RPH3A: variants seen among roughly 807,000 people sequenced by gnomAD.
RPH3A encodes the protein rabphilin-3A.
In RPH3A, 48 loss-of-function variants were observed where a neutral mutation model predicts 102.2. The ratio of observed to expected loss-of-function variants is 0.47; its 90% CI spans 0.37 to 0.60. The LOEUF (loss-of-function observed/expected upper bound fraction) is 0.60, where lower values mean the gene tolerates loss of function less well. Ranked by LOEUF, RPH3A falls within the 20% of genes least tolerant of loss-of-function variation. The pLI is 0.00. For missense variants in RPH3A, 781 were observed against 910.1 expected (o/e 0.86, Z 1.83); for synonymous variants, 310 against 324.3 (o/e 0.96, Z 0.47).
At chr12:112,844,929 G>C (rs2042204874) in intron 4 of RPH3A, among the ~76,000 whole-genome samples, 2 of 152,230 alleles carry the variant, frequency 1.3e-5, no homozygotes, top group South Asian at 4.1e-4. Context: ...AGCCACTCAT[G>C]TAGCTGGCAG....
At chr12:112,655,563 CTTTTTT>C (rs71086113) in intron 1 of RPH3A, among the ~76,000 whole-genome samples, 5 of 55,584 alleles carry the variant, frequency 9.0e-5, no homozygotes, top group Non-Finnish European at 1.6e-4. Flanking sequence ...TTTTGTTGGT[CTTTTTT>C]TTTTTTTTTT....
rs115414463 is a variant in RPH3A at position 112,829,147 on chromosome 12, C to T, written c.71+758C>T. 6.1e-3 allele frequency among the ~76,000 whole-genome samples: 921 copies of T among 152,196 alleles called. 7 individuals are homozygous for T. Among genetic ancestry groups the T allele is most frequent in the African/African-American group, 0.021 (869 of 41,500 alleles). On this transcript the variant is annotated intron_variant, in intron 3 of 21. Transcript: ENST00000389385. ...GAACTTCTGTCGATCTTATATTAGA[C>T]GGTATTTTAGGATCAGTTTAAGAGT...
intron 5 of RPH3A, among the ~76,000 whole-genome samples, chr12:112,864,727 C>G (rs1461197560): frequency 6.6e-6 from 1 of 152,196 alleles, no homozygotes; most frequent in Non-Finnish European, 1.5e-5. Flanking sequence ...AATCATTTAG[C>G]TTCCAGGACA....
At chr12:112,622,557 G>A (rs1403433059) in intron 1 of RPH3A, among the ~76,000 whole-genome samples, 2 of 148,218 alleles carry the variant, frequency 1.3e-5, no homozygotes, top group Non-Finnish European at 1.5e-5. Context: ...ATGGGACTAT[G>A]TGAAAAGACC....
intron 5 of RPH3A, among the ~76,000 whole-genome samples, chr12:112,861,742 A>C (rs1219125791): frequency 3.3e-5 from 5 of 152,168 alleles, no homozygotes; most frequent in Admixed American, 3.3e-4. Context: ...GGCTGGGTGC[A>C]GTGGCTCACG....
chr12:112,595,605 C>T (rs1021126324), intron 1 of RPH3A, among the ~76,000 whole-genome samples: 2 of 152,090 alleles, frequency 1.3e-5, no homozygotes, highest in African/African-American at 2.4e-5. Context: ...CACGCAGGAC[C>T]GTCATTCAAC....
intron 1 of RPH3A, among the ~76,000 whole-genome samples, chr12:112,589,123 G>T (rs1446513744): frequency 6.6e-6 from 1 of 151,858 alleles, no homozygotes; most frequent in Non-Finnish European, 1.5e-5. Flanking sequence ...GCTGGTAGAG[G>T]GGGCGATTAG....
intron 1 of RPH3A, among the ~76,000 whole-genome samples, chr12:112,781,227 A>G (rs1348072455): frequency 6.6e-6 from 1 of 152,108 alleles, no homozygotes; most frequent in African/African-American, 2.4e-5. Context: ...ACAAAAAAAA[A>G]TATCCTCTGG....
intron 1 of RPH3A, among the ~76,000 whole-genome samples, chr12:112,724,556 G>A (rs575793736): frequency 8.5e-5 from 13 of 152,130 alleles, no homozygotes; most frequent in Non-Finnish European, 1.6e-4. Flanking sequence ...GAGGAAACAG[G>A]CTCAGCGATA....
chr12:112,727,488 CA>C (rs1944474720), intron 1 of RPH3A, among the ~76,000 whole-genome samples: 3 of 103,842 alleles, frequency 2.9e-5, no homozygotes, highest in Admixed American at 1.0e-4. Flanking sequence ...CACACACACA[CA>C]CAGACCCCCC....
chr12:112,577,721 T>A (rs1295486331), intron 1 of RPH3A, among the ~76,000 whole-genome samples: 1 of 151,928 alleles, frequency 6.6e-6, no homozygotes, highest in Non-Finnish European at 1.5e-5. Flanking sequence ...TTTTTTTTTT[T>A]TTGTAGAGAT....
intron 5 of RPH3A, chr12:112,850,950 C>T (rs981286837): frequency 1.3e-5 from 2 of 152,212 alleles, no homozygotes; most frequent in Non-Finnish European, 2.9e-5. Context: ...GGCTGTACCT[C>T]TCAGAGTAAA....
rs763299292 is a variant in RPH3A at position 112,865,460 on chromosome 12, G to A, written c.277G>A (p.Asp93Asn). The A allele has an allele frequency of 1.2e-6, 2 of 1,614,142 alleles. No individual in the cohort carries two copies. Among genetic ancestry groups the A allele is most frequent in the South Asian group, 1.1e-5 (1 of 91,086 alleles). ...AAACATGAGGAAGAACGTGGCTGGA[G>A]ATGGGGTGAACCGCTGCATACTGTG... is the stretch of plus-strand genomic sequence containing the variant. ...LENMRKNVAG[D>N]GVNRCILCGE... Residue 93 changes from aspartate (D) to asparagine (N), a missense_variant, in exon 6 of 22, where the codon GAT (aspartate) becomes AAT (asparagine). By Grantham distance (23) the Asp-to-Asn change is conservative. This residue lies in a region of RPH3A where 730 missense variants were observed against 810.0 expected (regional missense o/e 0.90). Coordinates refer to ENST00000389385, the MANE Select transcript of RPH3A (RefSeq NM_001143854.2).
At chr12:112,650,869 C>T (rs1352576235) in intron 1 of RPH3A, 1 of 151,956 alleles carries the variant, frequency 6.6e-6, no homozygotes, top group Non-Finnish European at 1.5e-5. Flanking sequence ...GCTGGGACCA[C>T]AGGCGAGTGA....
At chr12:112,758,928 G>A (rs11614295) in intron 1 of RPH3A, among the ~76,000 whole-genome samples, 34,214 of 152,060 alleles carry the variant, frequency 0.23, 4,618 homozygotes, top group East Asian at 0.41. Flanking sequence ...GAAATATGGC[G>A]CTTCCTGGTC....
chr12:112,767,228 C>T (rs996619610), intron 1 of RPH3A, among the ~76,000 whole-genome samples: 2 of 152,194 alleles, frequency 1.3e-5, no homozygotes, highest in African/African-American at 4.8e-5. Context: ...CATATCTAGT[C>T]CACAGTAGAG....
At chr12:112,758,307 A>G (rs1541378) in intron 1 of RPH3A, among the ~76,000 whole-genome samples, 12,713 of 152,048 alleles carry the variant, frequency 0.084, 1,403 homozygotes, top group African/African-American at 0.25. Flanking sequence ...CCTCACTCTT[A>G]CTTCCCTGGG....
chr12:112,727,216 G>C (rs1317852951), intron 1 of RPH3A, among the ~76,000 whole-genome samples: 1 of 150,680 alleles, frequency 6.6e-6, no homozygotes, highest in African/African-American at 2.4e-5. Flanking sequence ...ATATCGAAGA[G>C]GTGTTGTGTT....
chr12:112,742,344 T>C (rs1183422427), intron 1 of RPH3A, among the ~76,000 whole-genome samples: 1 of 152,156 alleles, frequency 6.6e-6, no homozygotes, highest in African/African-American at 2.4e-5. Flanking sequence ...ACGAAGTTCA[T>C]GTATCTGAAG....
Sources: gnomAD v4.1 joint callset for allele counts (sites outside exome capture counted in the v4.1 genomes callset) on GRCh38, gnomAD v4.1.1 for gene constraint, gnomAD v4.1.1 regional missense constraint, MANE v1.5 for transcripts, NCBI Gene and HGNC (gene_info 2026-07-23, HGNC 2026-07-21) for gene names.